Variants in PARD3 observed in about 807,000 individuals in gnomAD.
PARD3 encodes the protein par-3 family cell polarity regulator.
PARD3 carries 75 observed loss-of-function variants against 155.4 expected under a neutral mutation model. The ratio of observed to expected loss-of-function variants is 0.48; its 90% CI spans 0.40 to 0.58. The LOEUF (loss-of-function observed/expected upper bound fraction) is 0.58. Among genes scored for constraint, PARD3 ranks in the 20% least tolerant of loss-of-function variants. The pLI is 0.00. For missense variants in PARD3, 1,642 were observed against 1,721.7 expected (o/e 0.95, Z 0.82); for synonymous variants, 576 against 610.5 (o/e 0.94, Z 0.83).
intron 3 of PARD3, among the ~76,000 whole-genome samples, chr10:34,514,890 GGT>G (rs2081615716): frequency 6.6e-6 from 1 of 152,050 alleles, no homozygotes; most frequent in Admixed American, 6.6e-5. Context: ...TATTTTTTAT[GGT>G]GTGGCTATAT....
intron 14 of PARD3, among the ~76,000 whole-genome samples, chr10:34,352,843 C>T (rs2134419978): frequency 6.6e-6 from 1 of 152,188 alleles, no homozygotes; most frequent in Admixed American, 6.5e-5. Context: ...GCCCGGCTGC[C>T]CAGTCTGGGA....
At chr10:34,479,616 C>T (rs764200116) in intron 3 of PARD3, among the ~76,000 whole-genome samples, 12 of 152,298 alleles carry the variant, frequency 7.9e-5, no homozygotes, top group Middle Eastern at 3.4e-3. Context: ...GCCCCTACAG[C>T]CACTGCCGGT....
At chr10:34,119,836 G>C in intron 23 of PARD3, 96 bp from the exon 24 acceptor site, 1 of 1,098,784 alleles carries the variant, frequency 9.1e-7, no homozygotes, top group Non-Finnish European at 1.2e-6. Context: ...AATTGACTTT[G>C]AAAATTTTGA....
chr10:34,419,809 A>G (rs771987677), intron 5 of PARD3, among the ~76,000 whole-genome samples: 1 of 152,242 alleles, frequency 6.6e-6, no homozygotes, highest in African/African-American at 2.4e-5. Flanking sequence ...TATACATAGG[A>G]CATATCCATA....
intron 16 of PARD3, among the ~76,000 whole-genome samples, chr10:34,339,838 A>G (rs1836609415): frequency 6.6e-6 from 1 of 152,220 alleles, no homozygotes; most frequent in African/African-American, 2.4e-5. Context: ...AACTTATTTC[A>G]GACACAATAA....
At chr10:34,683,216 G>A (rs374448475) in intron 2 of PARD3, among the ~76,000 whole-genome samples, 2 of 152,090 alleles carry the variant, frequency 1.3e-5, no homozygotes, top group Admixed American at 1.3e-4. Flanking sequence ...AGATGGAAAC[G>A]ATGGACACTG....
intron 5 of PARD3, among the ~76,000 whole-genome samples, chr10:34,405,489 T>C (rs1051098759): frequency 2.0e-5 from 3 of 152,146 alleles, no homozygotes; most frequent in Non-Finnish European, 2.9e-5. Flanking sequence ...ATATTTTCAA[T>C]GTAGAATGTC....
intron 1 of PARD3, among the ~76,000 whole-genome samples, chr10:34,798,977 C>G (rs1481625859): frequency 6.6e-6 from 1 of 152,180 alleles, no homozygotes; most frequent in African/African-American, 2.4e-5. Flanking sequence ...AAACGTGACC[C>G]AGAGACCTCA....
intron 2 of PARD3, among the ~76,000 whole-genome samples, chr10:34,684,828 CACAT>C (rs1384038140): frequency 6.9e-4 from 63 of 91,188 alleles, no homozygotes; most frequent in African/African-American, 1.2e-3. Flanking sequence ...CACACACACA[CACAT>C]ATATACACAC....
intron 1 of PARD3, among the ~76,000 whole-genome samples, chr10:34,746,990 G>A (rs569555946): frequency 6.6e-6 from 1 of 152,170 alleles, no homozygotes; most frequent in Non-Finnish European, 1.5e-5. Context: ...GCGGGGATTA[G>A]AAGGCAGAGA....
At chr10:34,489,662 T>C (rs141943443) in intron 3 of PARD3, among the ~76,000 whole-genome samples, 11 of 152,306 alleles carry the variant, frequency 7.2e-5, no homozygotes, top group African/African-American at 2.6e-4. Context: ...AGATCTTTCA[T>C]AGCTAATCTA....
At chr10:34,481,269 T>C (rs1005295526) in intron 3 of PARD3, among the ~76,000 whole-genome samples, 5 of 152,096 alleles carry the variant, frequency 3.3e-5, no homozygotes, top group African/African-American at 2.4e-5. Context: ...TCCACCCTCA[T>C]GTAGGCCCCA....
chr10:34,407,271 C>T (rs1844585529), intron 5 of PARD3, among the ~76,000 whole-genome samples: 2 of 152,172 alleles, frequency 1.3e-5, no homozygotes. Context: ...GACTGCCTGG[C>T]ATTGGATTGA....
chr10:34,660,700 A>G (rs978275366), intron 2 of PARD3, among the ~76,000 whole-genome samples: 3 of 152,154 alleles, frequency 2.0e-5, no homozygotes, highest in Admixed American at 6.5e-5. Context: ...AGAAAGTGTA[A>G]GTTCAGCAAC....
intron 22 of PARD3, among the ~76,000 whole-genome samples, chr10:34,133,656 G>A (rs1448822440): frequency 6.6e-6 from 1 of 152,154 alleles, no homozygotes; most frequent in Non-Finnish European, 1.5e-5. Flanking sequence ...ATTTGTGAGA[G>A]GTAGCTTGGA....
chr10:34,408,050 T>A (rs1379304165), intron 5 of PARD3, among the ~76,000 whole-genome samples: 1 of 152,154 alleles, frequency 6.6e-6, no homozygotes, highest in Non-Finnish European at 1.5e-5. Context: ...CATCTGTATA[T>A]CTACATTCAA....
intron 2 of PARD3, among the ~76,000 whole-genome samples, chr10:34,642,209 C>T (rs2092699955): frequency 6.6e-6 from 1 of 152,164 alleles, no homozygotes; most frequent in Admixed American, 6.5e-5. Context: ...CCTGCCCTGC[C>T]TCGCACCCTC....
intron 3 of PARD3, among the ~76,000 whole-genome samples, chr10:34,486,466 T>C (rs1309786113): frequency 6.6e-6 from 1 of 152,134 alleles, no homozygotes; most frequent in Non-Finnish European, 1.5e-5. Context: ...AGGAAGACAA[T>C]ACATGAGCAG....
intron 22 of PARD3, among the ~76,000 whole-genome samples, chr10:34,193,230 G>C (rs1007901434): frequency 1.3e-5 from 2 of 152,126 alleles, no homozygotes; most frequent in African/African-American, 4.8e-5. Context: ...AGTGAGGATT[G>C]CTTATTTGCA....
Sources: gnomAD v4.1 joint callset for allele counts (sites outside exome capture counted in the v4.1 genomes callset) on GRCh38, gnomAD v4.1.1 for gene constraint, MANE v1.5 for transcripts, NCBI Gene and HGNC (gene_info 2026-07-23, HGNC 2026-07-21) for gene names.